The following NRTN variants were observed in gnomAD, a reference collection of about 807,000 sequenced individuals.
The protein encoded by NRTN is neurturin.
A neutral mutation model predicts 7.5 loss-of-function variants in NRTN; 3 were observed. The ratio of observed to expected loss-of-function variants is 0.40; its 90% CI spans 0.18 to 1.03. The LOEUF (loss-of-function observed/expected upper bound fraction) is 1.03, where lower values mean the gene tolerates loss of function less well. NRTN is among the 50% of genes least tolerant of loss of function. NRTN has a pLI of 0.34. For missense variants in NRTN, 310 were observed against 307.0 expected (o/e 1.01, Z -0.07); for synonymous variants, 157 against 146.6 (o/e 1.07, Z -0.51).
In NRTN at chr19:5,823,959, G is replaced by A. The variant is rs1335403576; in HGVS notation, c.-207G>A. 6.0e-6 allele frequency: 4 copies of A among 669,470 alleles called. No homozygotes were observed. Among genetic ancestry groups the A allele is most frequent in the South Asian group, 3.6e-5 (2 of 55,670 alleles). 41.5% of individuals were successfully genotyped at this position (669,470 alleles called of 1,614,324 possible). A position where few individuals can be genotyped will look rare whatever the true frequency, so the allele number is the denominator to read the frequency against. On this transcript the variant is annotated 5_prime_UTR_variant, in exon 2 of 3. Coordinates refer to ENST00000303212, the MANE Select transcript of NRTN (RefSeq NM_004558.5). The stretch of plus-strand genomic sequence containing the variant: ...CACTCCGGGACCCCCAGATGGGGGC[G>A]GTTCCCTGTGACTCCTGGCACGGAG...
At chr19:5,821,904 A>G (rs1006655426) in intron 1 of NRTN, among the ~76,000 whole-genome samples, 2 of 152,118 alleles carry the variant, frequency 1.3e-5, no homozygotes, top group African/African-American at 4.8e-5. Context: ...CCCAGCCCAT[A>G]TGGTGTGTGC....
At chr19:5,805,807 G>A (rs2056973550) in intron 1 of NRTN, among the ~76,000 whole-genome samples, 1 of 152,068 alleles carries the variant, frequency 6.6e-6, no homozygotes, top group Non-Finnish European at 1.5e-5. Flanking sequence ...GCGAGACCCA[G>A]ACAGCCCTTT....
chr19:5,814,206 C>G (rs900208290), intron 1 of NRTN, among the ~76,000 whole-genome samples: 3 of 152,036 alleles, frequency 2.0e-5, no homozygotes, highest in Non-Finnish European at 4.4e-5. Flanking sequence ...GAAGATGTCC[C>G]TCTAGAAACT....
At chr19:5,819,762 C>T (rs954301232) in intron 1 of NRTN, among the ~76,000 whole-genome samples, 1 of 151,182 alleles carries the variant, frequency 6.6e-6, no homozygotes, top group Admixed American at 6.6e-5. Context: ...GTGGGAGGAT[C>T]ACCTGAGCTG....
intron 2 of NRTN, among the ~76,000 whole-genome samples, chr19:5,825,587 C>A (rs966693994): frequency 6.6e-6 from 1 of 152,226 alleles, no homozygotes; most frequent in Non-Finnish European, 1.5e-5. Flanking sequence ...CCGGGCGGGA[C>A]CCCCAAAATC....
At chr19:5,823,050 AGAAAGAAAG>A (rs1046136169) in intron 1 of NRTN, among the ~76,000 whole-genome samples, 1 of 143,754 alleles carries the variant, frequency 7.0e-6, no homozygotes, top group African/African-American at 2.6e-5. Flanking sequence ...AGAGAGAGAA[AGAAAGAAAG>A]GAAAGAAAGG....
At chr19:5,805,892 G>A (rs936209025) in intron 1 of NRTN, among the ~76,000 whole-genome samples, 1 of 152,078 alleles carries the variant, frequency 6.6e-6, no homozygotes, top group Non-Finnish European at 1.5e-5. Context: ...TGCCGTCGCG[G>A]TCCAGCTGCG....
At chr19:5,816,226 G>A (rs1327156588) in intron 1 of NRTN, among the ~76,000 whole-genome samples, 3 of 152,010 alleles carry the variant, frequency 2.0e-5, no homozygotes, top group African/African-American at 2.4e-5. Flanking sequence ...TTCTGCTAAC[G>A]TCCTTTCTCT....
chr19:5,816,912 G>A lies in NRTN; in HGVS notation c.-398-6856G>A, dbSNP rs143385489. On this transcript the variant is annotated intron_variant, in intron 1 of 2. Transcript: ENST00000303212. ...AAACGCCCTAGCATGTGAGCACGACGTATTCAAATGTGAGTGTGAGAACAC... is the reference window on the plus strand; with the variant it reads ...AAACGCCCTAGCATGTGAGCACGACATATTCAAATGTGAGTGTGAGAACAC... Among the ~76,000 whole-genome samples the A allele has an allele frequency of 1.9e-3, 282 of 152,338 alleles. 2 individuals carry two copies. The highest frequency in any genetic ancestry group is 6.6e-3 in the African/African-American group (276 of 41,578).
Position 5,828,177 on chromosome 19 carries a change from T to C in NRTN, c.*4T>C. The C allele has an allele frequency of 6.5e-7, 1 of 1,530,132 alleles. No homozygotes were observed. The highest frequency in any genetic ancestry group is 1.2e-5 in the South Asian group (1 of 83,714). The allele number at this position is 1,530,132 out of a possible 1,614,324, so 94.8% of individuals were successfully genotyped here. Reference sequence around the variant, plus strand: ...GCGCGAGTGCGCCTGCGTGTGACCCTACCTCACTCGGCCGGCGCGGCGGCC... The same window carrying C: ...GCGCGAGTGCGCCTGCGTGTGACCCCACCTCACTCGGCCGGCGCGGCGGCC... On this transcript the variant is annotated 3_prime_UTR_variant, in exon 3 of 3. Transcript: ENST00000303212.
In NRTN at chr19:5,828,022, T is replaced by G; in HGVS notation, c.443T>G (p.Leu148Arg). 1.7e-5 allele frequency: 24 copies of G among 1,427,086 alleles called. No individual in the cohort carries two copies. Among genetic ancestry groups the G allele is most frequent in the East Asian group, 3.0e-5 (1 of 33,234 alleles). 88.4% of individuals were successfully genotyped at this position (1,427,086 alleles called of 1,614,324 possible). ...GTCTACGACCTCGGGCTGCGACGACTGCGCCAGCGGCGGCGCCTGCGGCGG... is the reference window on the plus strand; with the variant it reads ...GTCTACGACCTCGGGCTGCGACGACGGCGCCAGCGGCGGCGCCTGCGGCGG... ...ARVYDLGLRR[L>R]RQRRRLRRER... The change falls in exon 3 of 3, where the codon CTG becomes CGG. Residue 148 changes from leucine to arginine, a missense_variant. Leu to Arg is a moderately radical substitution (Grantham distance 102, BLOSUM62 -2). Coordinates refer to ENST00000303212, the MANE Select transcript of NRTN (RefSeq NM_004558.5).
Position 5,820,077 on chromosome 19 carries a change from T to C in NRTN, c.-398-3691T>C, listed in dbSNP as rs528968062. 8.0e-5 allele frequency among the ~76,000 whole-genome samples: 12 copies of C among 150,158 alleles called. No homozygotes were observed. In the South Asian group the frequency reaches 2.5e-3, roughly 32 times the overall value. ...GTCAGGAGATCGAGACCATCCTGGCTAACATGGTGAAACCCTGTCTCTACT... is the reference window on the plus strand; with the variant it reads ...GTCAGGAGATCGAGACCATCCTGGCCAACATGGTGAAACCCTGTCTCTACT... On this transcript the variant is annotated intron_variant, in intron 1 of 2. Transcript: ENST00000303212.
intron 1 of NRTN, among the ~76,000 whole-genome samples, chr19:5,810,265 C>CAAAA (rs756539290): frequency 3.3e-5 from 3 of 89,670 alleles, no homozygotes; most frequent in Admixed American, 1.2e-4. Context: ...GACTCTGTCT[C>CAAAA]AAAAAAAAAA....
intron 1 of NRTN, among the ~76,000 whole-genome samples, chr19:5,810,884 GCT>G (rs2056988568): frequency 6.6e-6 from 1 of 150,886 alleles, no homozygotes; most frequent in Non-Finnish European, 1.5e-5. Context: ...AGCTGAGATC[GCT>G]CCACTGCACT....
chr19:5,819,779 T>C (rs1216661349), intron 1 of NRTN, among the ~76,000 whole-genome samples: 1 of 149,456 alleles, frequency 6.7e-6, no homozygotes, highest in African/African-American at 2.5e-5. Context: ...GCTGGGTAGG[T>C]TGAGGCTGCA....
chr19:5,816,138 C>T (rs185360714), intron 1 of NRTN, among the ~76,000 whole-genome samples: 317 of 150,062 alleles, frequency 2.1e-3, no homozygotes, highest in Middle Eastern at 3.4e-3. Context: ...CAGGCTCAGG[C>T]GAACTCCCCG....
At chr19:5,827,339 T>C (rs2057050251) in intron 2 of NRTN, among the ~76,000 whole-genome samples, 1 of 148,924 alleles carries the variant, frequency 6.7e-6, no homozygotes, top group Admixed American at 6.7e-5. Context: ...CCAGATAGAT[T>C]TGCGATGGAG....
At chr19:5,812,511 C>A (rs544090404) in intron 1 of NRTN, among the ~76,000 whole-genome samples, 11 of 152,340 alleles carry the variant, frequency 7.2e-5, no homozygotes, top group African/African-American at 2.6e-4. Flanking sequence ...TGGCCTCTGG[C>A]CCCCGCAGAC....
chr19:5,808,900 C>CGTGAGCCACCGTGCCGG (rs2056981713), intron 1 of NRTN, among the ~76,000 whole-genome samples: 1 of 151,692 alleles, frequency 6.6e-6, no homozygotes. Flanking sequence ...GGACTACAGG[C>CGTGAGCCACCGTGCCGG]GCCCACCACC....
Sources: allele counts gnomAD v4.1 joint callset (sites outside exome capture counted in the v4.1 genomes callset), GRCh38; gene constraint gnomAD v4.1.1; transcripts MANE v1.5; gene names NCBI Gene and HGNC (gene_info 2026-07-23, HGNC 2026-07-21).